The following STAC variants were observed in gnomAD, a reference collection of about 807,000 sequenced individuals.
STAC encodes the protein SH3 and cysteine-rich domain-containing protein.
A neutral mutation model predicts 48.8 loss-of-function variants in STAC; 43 were observed. That is an observed-to-expected ratio of 0.88 (90% confidence interval 0.69 to 1.14). STAC has a LOEUF of 1.14. STAC is among the 50% of genes most tolerant of loss of function. The pLI is 0.00. For missense variants in STAC, 497 were observed against 504.0 expected, an observed-to-expected ratio of 0.99 and a Z score of 0.13; for synonymous variants, 193 against 179.5, an observed-to-expected ratio of 1.07 and a Z score of -0.60.
At chr3:36,440,327 C>A (rs1035349267) in intron 1 of STAC, among the ~76,000 whole-genome samples, 5 of 152,228 alleles carry the variant, frequency 3.3e-5, no homozygotes, top group Non-Finnish European at 7.3e-5. Flanking sequence ...GAACACCAGT[C>A]ATCTTTTTAG....
intron 2 of STAC, among the ~76,000 whole-genome samples, chr3:36,452,538 A>G (rs985950086): frequency 8.5e-5 from 13 of 152,236 alleles, no homozygotes; most frequent in Admixed American, 5.9e-4. Flanking sequence ...TAGTTGGCCA[A>G]TATGAATTTG....
At chr3:36,429,337 C>A (rs1163843917) in intron 1 of STAC, among the ~76,000 whole-genome samples, 3 of 152,160 alleles carry the variant, frequency 2.0e-5, no homozygotes, top group Non-Finnish European at 4.4e-5. Flanking sequence ...CCACTATGAA[C>A]CTCTGGTCCT....
chr3:36,417,931 A>G (rs1435486788), intron 1 of STAC, among the ~76,000 whole-genome samples: 1 of 152,140 alleles, frequency 6.6e-6, no homozygotes, highest in African/African-American at 2.4e-5. Flanking sequence ...AGCAATTTAC[A>G]TTTTCCTAGA....
At chr3:36,515,274 C>G (rs1698643066) in intron 8 of STAC, among the ~76,000 whole-genome samples, 1 of 152,070 alleles carries the variant, frequency 6.6e-6, no homozygotes, top group South Asian at 2.1e-4. Context: ...TAAGCCTTTA[C>G]TGAAGCTCTC....
At position 36,401,132 on chromosome 3, in the gene STAC, A is replaced by G. The variant is rs866272796; in HGVS notation, c.111+20378A>G. Among the ~76,000 whole-genome samples the G allele has an allele frequency of 3.3e-5, 5 of 152,174 alleles. No individual in the cohort carries two copies. The South Asian group carries it at 6.2e-4, about 19-fold the overall frequency. ...TCAGGAGTCAAGCCTCTAAAAATGTACCTATGTTTACATTTTGGAGTCACT... is the reference window on the plus strand; with the variant it reads ...TCAGGAGTCAAGCCTCTAAAAATGTGCCTATGTTTACATTTTGGAGTCACT... On this transcript the variant is annotated intron_variant, in intron 1 of 10. Transcript: ENST00000273183.
At chr3:36,446,989 G>T (rs572286872) in intron 2 of STAC, among the ~76,000 whole-genome samples, 1 of 152,306 alleles carries the variant, frequency 6.6e-6, no homozygotes, top group South Asian at 2.1e-4. Flanking sequence ...TAGGGCCTGA[G>T]ATGGGGTGTC....
chr3:36,442,080 T>C (rs904638315), intron 1 of STAC, among the ~76,000 whole-genome samples: 2 of 152,194 alleles, frequency 1.3e-5, no homozygotes, highest in African/African-American at 4.8e-5. Context: ...GATAGTGCCA[T>C]GCACACAGCA....
chr3:36,488,775 G>T (rs1308448300), intron 5 of STAC, among the ~76,000 whole-genome samples: 1 of 152,104 alleles, frequency 6.6e-6, no homozygotes, highest in Non-Finnish European at 1.5e-5. Context: ...TTATTATAAA[G>T]AAATAACCGT....
At chr3:36,542,071 G>T (rs1217722528) in intron 10 of STAC, among the ~76,000 whole-genome samples, 2 of 151,974 alleles carry the variant, frequency 1.3e-5, no homozygotes, top group African/African-American at 2.4e-5. Flanking sequence ...AAGGAGGAAA[G>T]TCAAGGGTAG....
rs146767005 is a variant in STAC, at chr3:36,473,179, A to G, written c.389-9813A>G. On this transcript the variant is annotated intron_variant, in intron 2 of 10. Transcript: ENST00000273183. ...TCAGATCTCATGAGACTTATTCACTATCACAAGAATAGCACAGGAAAGACC... is the reference window on the plus strand; with the variant it reads ...TCAGATCTCATGAGACTTATTCACTGTCACAAGAATAGCACAGGAAAGACC... Among the ~76,000 whole-genome samples, 21 of 152,306 alleles carry G rather than the reference A, an allele frequency of 1.4e-4. No individual in the cohort carries two copies. In the East Asian group the frequency reaches 3.9e-3, roughly 28 times the overall value.
At chr3:36,429,479 T>A (rs1272598284) in intron 1 of STAC, among the ~76,000 whole-genome samples, 1 of 152,140 alleles carries the variant, frequency 6.6e-6, no homozygotes, top group East Asian at 1.9e-4. Flanking sequence ...GGGGAACAGG[T>A]TGGAACTTGC....
intron 1 of STAC, among the ~76,000 whole-genome samples, chr3:36,423,642 C>A (rs1428480819): frequency 6.6e-6 from 1 of 151,882 alleles, no homozygotes; most frequent in Non-Finnish European, 1.5e-5. Flanking sequence ...GAACTAGAGA[C>A]CTGATGTGAG....
intron 6 of STAC, among the ~76,000 whole-genome samples, chr3:36,497,395 C>T (rs1050857432): frequency 5.3e-5 from 8 of 152,046 alleles, no homozygotes; most frequent in African/African-American, 7.2e-5. Context: ...CATGGCTGAG[C>T]TGGCAGCAAA....
At chr3:36,487,780 A>G (rs992564216) in intron 5 of STAC, among the ~76,000 whole-genome samples, 1 of 152,234 alleles carries the variant, frequency 6.6e-6, no homozygotes, top group Non-Finnish European at 1.5e-5. Flanking sequence ...TAAAGATGAA[A>G]AATGTTTCAC....
chr3:36,454,994 G>A (rs930766958), intron 2 of STAC, among the ~76,000 whole-genome samples: 2 of 152,130 alleles, frequency 1.3e-5, no homozygotes, highest in Non-Finnish European at 2.9e-5. Context: ...TATTGTAGGA[G>A]CCTTTTCAGA....
chr3:36,439,334 C>G (rs1696252554), intron 1 of STAC, among the ~76,000 whole-genome samples: 1 of 152,138 alleles, frequency 6.6e-6, no homozygotes, highest in Non-Finnish European at 1.5e-5. Flanking sequence ...CCACTTTTGT[C>G]CCCCATCATC....
At chr3:36,523,803 C>T (rs1698861789) in intron 8 of STAC, among the ~76,000 whole-genome samples, 1 of 152,172 alleles carries the variant, frequency 6.6e-6, no homozygotes, top group Admixed American at 6.5e-5. Flanking sequence ...ACCAATGGCA[C>T]GGCTCTCCCT....
intron 10 of STAC, among the ~76,000 whole-genome samples, chr3:36,538,029 T>C (rs1699239559): frequency 6.6e-6 from 1 of 152,066 alleles, no homozygotes; most frequent in Non-Finnish European, 1.5e-5. Context: ...GGAAAATATT[T>C]TTAAGAGGTA....
At chr3:36,508,291 T>C (rs1019801212) in intron 8 of STAC, among the ~76,000 whole-genome samples, 3 of 152,118 alleles carry the variant, frequency 2.0e-5, no homozygotes, top group African/African-American at 4.8e-5. Flanking sequence ...GAGACTGTTA[T>C]GATTTCCTTC....
Sources: gnomAD v4.1 joint callset for allele counts (sites outside exome capture counted in the v4.1 genomes callset) on GRCh38, gnomAD v4.1.1 for gene constraint, MANE v1.5 for transcripts, NCBI Gene and HGNC (gene_info 2026-07-23, HGNC 2026-07-21) for gene names.